The following METTL15 variants were observed in gnomAD, a reference collection of about 807,000 sequenced individuals.
The protein encoded by METTL15 is 12S rRNA N(4)-cytidine methyltransferase METTL15.
Under a neutral mutation model 38.3 loss-of-function variants are expected in METTL15, and 34 were observed. The observed-to-expected ratio is 0.89, with a 90% confidence interval of 0.68 to 1.18. The LOEUF (loss-of-function observed/expected upper bound fraction) is 1.18, where lower values mean the gene tolerates loss of function less well. METTL15 is among the 50% of genes most tolerant of loss of function. The pLI, the probability that METTL15 is intolerant of heterozygous loss-of-function variation, is 0.00. For missense variants in METTL15, 438 were observed against 498.4 expected, an observed-to-expected ratio of 0.88 and a Z score of 1.15; for synonymous variants, 162 against 170.9, an observed-to-expected ratio of 0.95 and a Z score of 0.41.
intron 4 of METTL15, among the ~76,000 whole-genome samples, chr11:28,265,990 T>C (rs2133948173): frequency 6.6e-6 from 1 of 152,310 alleles, no homozygotes; most frequent in African/African-American, 2.4e-5. Context: ...CCACAGTGTG[T>C]GATGTTCCCC....
intron 5 of METTL15, among the ~76,000 whole-genome samples, chr11:28,370,006 T>G (rs1371331547): frequency 6.6e-6 from 1 of 152,150 alleles, no homozygotes; most frequent in Non-Finnish European, 1.5e-5. Flanking sequence ...GTCACTTAAT[T>G]TATAAAGATC....
At chr11:28,398,278 A>G (rs1220842390) in intron 5 of METTL15, among the ~76,000 whole-genome samples, 1 of 151,864 alleles carries the variant, frequency 6.6e-6, no homozygotes, top group Admixed American at 6.6e-5. Flanking sequence ...TTTTAAAATA[A>G]TAAACAAAAA....
At position 28,333,133 on chromosome 11, in the gene METTL15, C is replaced by G. The variant is rs1408003208; in HGVS notation, c.*2292C>G. On this transcript the variant is annotated 3_prime_UTR_variant, in exon 7 of 7. Coordinates refer to ENST00000407364, the MANE Select transcript of METTL15 (RefSeq NM_001113528.2). ...GGTTTTGCACATCTAGCATCCAGAA[C>G]AGTGAGAATGTATTTCTGCTGTTTT... 6.6e-6 allele frequency: 1 copy of G among 151,426 alleles called. No individual in the cohort carries two copies. Among genetic ancestry groups the G allele is most frequent in the Non-Finnish European group, 1.5e-5 (1 of 67,966 alleles). 9.4% of individuals were successfully genotyped at this position (151,426 alleles called of 1,614,324 possible).
At chr11:28,245,113 G>T (rs534161697) in intron 4 of METTL15, among the ~76,000 whole-genome samples, 3 of 152,170 alleles carry the variant, frequency 2.0e-5, no homozygotes, top group African/African-American at 7.2e-5. Context: ...GGCTGTATCC[G>T]TTGGGAATCA....
intron 6 of METTL15, among the ~76,000 whole-genome samples, chr11:28,316,028 A>AC (rs1857469409): frequency 1.3e-5 from 2 of 152,072 alleles, no homozygotes; most frequent in South Asian, 4.2e-4. Context: ...GAAATGTGGG[A>AC]CCCCCACACA....
intron 4 of METTL15, among the ~76,000 whole-genome samples, chr11:28,242,484 C>T (rs1289650065): frequency 6.6e-6 from 1 of 152,010 alleles, no homozygotes; most frequent in African/African-American, 2.4e-5. Flanking sequence ...GAACATCATT[C>T]CTAGAATATA....
chr11:28,414,345 CGA>C, intron 5 of METTL15, among the ~76,000 whole-genome samples: 1 of 151,886 alleles, frequency 6.6e-6, no homozygotes, highest in Non-Finnish European at 1.5e-5. Flanking sequence ...CTTCTCTTTC[CGA>C]ACCTGTTCAA....
intron 6 of METTL15, among the ~76,000 whole-genome samples, chr11:28,322,280 G>T (rs1235067254): frequency 1.3e-5 from 2 of 152,018 alleles, no homozygotes; most frequent in South Asian, 2.1e-4. Flanking sequence ...TTGACAAAAG[G>T]TTAATATCCT....
intron 3 of METTL15, among the ~76,000 whole-genome samples, chr11:28,153,319 T>C (rs556858330): frequency 7.3e-4 from 111 of 152,252 alleles, no homozygotes; most frequent in African/African-American, 2.1e-3. Context: ...AGATTACTTA[T>C]AATATCTAAT....
intron 6 of METTL15, among the ~76,000 whole-genome samples, chr11:28,434,694 T>C (rs1252901267): frequency 6.6e-6 from 1 of 152,200 alleles, no homozygotes; most frequent in African/African-American, 2.4e-5. Flanking sequence ...AACTTAGTGG[T>C]CATTATTTCT....
At chr11:28,501,918 T>G (rs1480370817) in intron 6 of METTL15, among the ~76,000 whole-genome samples, 1 of 151,946 alleles carries the variant, frequency 6.6e-6, no homozygotes, top group Non-Finnish European at 1.5e-5. Flanking sequence ...GCTAGCGTGG[T>G]GAAACCCCGT....
chr11:28,460,535 A>G (rs549970874), intron 6 of METTL15, among the ~76,000 whole-genome samples: 1 of 152,142 alleles, frequency 6.6e-6, no homozygotes, highest in Non-Finnish European at 1.5e-5. Flanking sequence ...GGCCTCAGCA[A>G]CAACCTTCTG....
intron 6 of METTL15, among the ~76,000 whole-genome samples, chr11:28,471,310 C>T (rs1851301083): frequency 6.6e-6 from 1 of 152,152 alleles, no homozygotes; most frequent in Non-Finnish European, 1.5e-5. Flanking sequence ...ATCAAAATCC[C>T]AACCCAGATT....
intron 5 of METTL15, among the ~76,000 whole-genome samples, chr11:28,396,479 T>TC (rs1318417214): frequency 3.3e-5 from 5 of 151,846 alleles, no homozygotes; most frequent in Admixed American, 6.6e-5. Context: ...ATGAGTGAAC[T>TC]CCCATTCACA....
At position 28,330,473 on chromosome 11, in the gene METTL15, C is replaced by T; in HGVS notation, c.856C>T (p.Gln286Ter). ...RSTHIATKTF[Q>*]ALRIFVNNEL... is the part of the protein sequence containing the mutation. ...TACCCATATTGCCACCAAGACTTTC[C>T]AGGCTCTTCGCATATTTGTGAACAA... The change falls in exon 7 of 7, where the codon CAG becomes TAG. Residue 286 changes from glutamine to a stop codon, truncating the protein, a stop_gained. Transcript: ENST00000407364. LOFTEE classifies it high-confidence loss of function. 6.4e-7 allele frequency: 1 copy of T among 1,551,522 alleles called. No homozygotes were observed. Among genetic ancestry groups the T allele is most frequent in the East Asian group, 2.4e-5 (1 of 40,918 alleles).
chr11:28,251,941 CTG>C (rs1443196745), intron 4 of METTL15, among the ~76,000 whole-genome samples: 3 of 152,106 alleles, frequency 2.0e-5, no homozygotes, highest in Non-Finnish European at 4.4e-5. Flanking sequence ...CTGGGCAAAA[CTG>C]TCACATTTTG....
chr11:28,227,213 A>G (rs1444859011), intron 4 of METTL15, among the ~76,000 whole-genome samples: 2 of 151,814 alleles, frequency 1.3e-5, no homozygotes, highest in African/African-American at 4.8e-5. Context: ...CAGGCAATCT[A>G]CTAGTTTTGA....
intron 3 of METTL15, among the ~76,000 whole-genome samples, chr11:28,340,957 G>A (rs913635006): frequency 1.3e-5 from 2 of 152,208 alleles, no homozygotes; most frequent in Non-Finnish European, 2.9e-5. Context: ...TAAAGAAAAT[G>A]TGGCACATAT....
chr11:28,478,017 T>C (rs1037273451), intron 6 of METTL15, among the ~76,000 whole-genome samples: 1 of 152,178 alleles, frequency 6.6e-6, no homozygotes, highest in Non-Finnish European at 1.5e-5. Flanking sequence ...AGTTCTCTTT[T>C]CAAAATTGTT....
Sources: gnomAD v4.1 joint callset for allele counts (sites outside exome capture counted in the v4.1 genomes callset) on GRCh38, gnomAD v4.1.1 for gene constraint, MANE v1.5 for transcripts, NCBI Gene and HGNC (gene_info 2026-07-23, HGNC 2026-07-21) for gene names.